NRXN1: variants seen among roughly 807,000 people sequenced by gnomAD.
NRXN1 encodes neurexin-1.
Under a neutral mutation model 150.9 loss-of-function variants are expected in NRXN1, and 39 were observed. The ratio of observed to expected loss-of-function variants is 0.26; its 90% CI spans 0.20 to 0.34. NRXN1 has a LOEUF of 0.34. NRXN1 is among the 10% of genes least tolerant of loss of function. The pLI, the probability that NRXN1 is intolerant of heterozygous loss-of-function variation, is 1.00. For missense variants in NRXN1, 1,815 were observed against 1,949.9 expected, an observed-to-expected ratio of 0.93 and a Z score of 1.30; for synonymous variants, 924 against 757.0, an observed-to-expected ratio of 1.22 and a Z score of -3.62.
In NRXN1 at chr2:50,580,846, T is replaced by C. The variant is rs538702115; in HGVS notation, c.1321-27821A>G. Among the ~76,000 whole-genome samples the C allele has an allele frequency of 2.2e-3, 332 of 152,268 alleles. 1 individual carries two copies. Among genetic ancestry groups the C allele is most frequent in the African/African-American group, 7.7e-3 (322 of 41,562 alleles). Reference sequence around the variant, plus strand: ...GCTACTATACCGTCTAGAACACTACTGGGTCTAAATACATACTAATGAAAA... The same window carrying C: ...GCTACTATACCGTCTAGAACACTACCGGGTCTAAATACATACTAATGAAAA... On this transcript the variant is annotated intron_variant, in intron 8 of 22. Coordinates refer to ENST00000401669, the MANE Select transcript of NRXN1 (RefSeq NM_001330078.2).
At chr2:50,475,908 T>C (rs2089950690) in intron 15 of NRXN1, among the ~76,000 whole-genome samples, 1 of 151,550 alleles carries the variant, frequency 6.6e-6, no homozygotes, top group Non-Finnish European at 1.5e-5. Flanking sequence ...CACTAATGGG[T>C]CCTGCAGGTG....
chr2:50,618,884 A>G (rs1037291703), intron 8 of NRXN1, among the ~76,000 whole-genome samples: 1 of 152,006 alleles, frequency 6.6e-6, no homozygotes, highest in African/African-American at 2.4e-5. Flanking sequence ...CTGAAAGGCA[A>G]TCTATCACTC....
chr2:50,919,352 G>GCATGTT (rs1280773155), intron 5 of NRXN1: 1 of 151,668 alleles, frequency 6.6e-6, no homozygotes, highest in African/African-American at 2.4e-5. Context: ...TTATCAAAAG[G>GCATGTT]CATGTTCTTT....
rs138684223 is a variant in NRXN1, at chr2:50,041,035, A to G, written c.4128+12236T>C. On this transcript the variant is annotated intron_variant, in intron 21 of 22. Coordinates refer to ENST00000401669, the MANE Select transcript of NRXN1 (RefSeq NM_001330078.2). ...CCTCCCTCCTGTATTGATAGGACGT[A>G]TCTCAAAATAATAACAGCTATCTAT... Among the ~76,000 whole-genome samples the G allele has an allele frequency of 4.7e-3, 718 of 152,220 alleles. 7 individuals are homozygous for G. Among genetic ancestry groups the G allele is most frequent in the African/African-American group, 0.016 (663 of 41,558 alleles).
chr2:50,690,071 G>C (rs1474656793), intron 5 of NRXN1, among the ~76,000 whole-genome samples: 1 of 152,036 alleles, frequency 6.6e-6, no homozygotes, highest in Non-Finnish European at 1.5e-5. Flanking sequence ...ATTTTTAGTA[G>C]AGAGAAAGTT....
chr2:50,979,664 C>T (rs1696474911), intron 2 of NRXN1, among the ~76,000 whole-genome samples: 1 of 152,090 alleles, frequency 6.6e-6, no homozygotes, highest in Non-Finnish European at 1.5e-5. Context: ...TTAAATCTGG[C>T]AACGAACCTT....
intron 8 of NRXN1, among the ~76,000 whole-genome samples, chr2:50,604,325 A>C (rs1161200689): frequency 6.6e-6 from 1 of 152,188 alleles, no homozygotes; most frequent in African/African-American, 2.4e-5. Flanking sequence ...GGGGGACATG[A>C]AGCTGCAGTT....
intron 17 of NRXN1, among the ~76,000 whole-genome samples, chr2:50,406,810 C>T (rs1003949616): frequency 2.0e-5 from 3 of 152,266 alleles, no homozygotes; most frequent in Admixed American, 6.5e-5. Flanking sequence ...AAATGGTCTA[C>T]TTGGGAGGTT....
intron 21 of NRXN1, among the ~76,000 whole-genome samples, chr2:49,989,442 A>G (rs1681532365): frequency 6.6e-6 from 1 of 152,182 alleles, no homozygotes; most frequent in Admixed American, 6.5e-5. Context: ...AAGTCAGAAA[A>G]CCAACAGCCA....
intron 18 of NRXN1, among the ~76,000 whole-genome samples, chr2:50,235,973 A>G (rs915323319): frequency 3.3e-5 from 5 of 152,090 alleles, no homozygotes; most frequent in Admixed American, 3.3e-4. Flanking sequence ...AATAAAAGAC[A>G]CTGTGCTTCT....
At chr2:50,174,783 TTTTA>T (rs1342361903) in intron 18 of NRXN1, 2 of 152,162 alleles carry the variant, frequency 1.3e-5, no homozygotes, top group Admixed American at 6.6e-5. Flanking sequence ...TAATTATGGA[TTTTA>T]TTTCAGAACG....
At chr2:50,598,202 A>G (rs1675557815) in intron 8 of NRXN1, among the ~76,000 whole-genome samples, 1 of 151,986 alleles carries the variant, frequency 6.6e-6, no homozygotes, top group African/African-American at 2.4e-5. Flanking sequence ...AGAACAAATA[A>G]ATGAATGAGT....
At chr2:50,337,083 C>CTTTTTTTTTTTTT (rs768582035) in intron 17 of NRXN1, among the ~76,000 whole-genome samples, 3 of 133,084 alleles carry the variant, frequency 2.3e-5, no homozygotes, top group Admixed American at 7.6e-5. Flanking sequence ...TTTTCTTTTT[C>CTTTTTTTTTTTTT]TTTTTTTTTT....
At chr2:50,514,384 T>G (rs1040563258) in intron 12 of NRXN1, among the ~76,000 whole-genome samples, 2 of 152,172 alleles carry the variant, frequency 1.3e-5, no homozygotes, top group Non-Finnish European at 2.9e-5. Context: ...ATGGTCCATA[T>G]TGTGTCTGTT....
intron 22 of NRXN1, among the ~76,000 whole-genome samples, chr2:49,936,817 TAC>T (rs58323578): frequency 1.5e-3 from 218 of 148,044 alleles, no homozygotes; most frequent in South Asian, 6.8e-3. Context: ...AAAACATATG[TAC>T]ACACACACAC....
chr2:50,603,813 T>G (rs983092758), intron 8 of NRXN1, among the ~76,000 whole-genome samples: 5 of 152,158 alleles, frequency 3.3e-5, no homozygotes, highest in Non-Finnish European at 5.9e-5. Flanking sequence ...TAAAATGCAT[T>G]GCGTTGCACT....
chr2:51,001,087 G>C (rs1699986953), intron 2 of NRXN1, among the ~76,000 whole-genome samples: 1 of 152,028 alleles, frequency 6.6e-6, no homozygotes, highest in South Asian at 2.1e-4. Flanking sequence ...TCCCCATTTG[G>C]TGAATGAATA....
At chr2:50,272,911 A>C (rs941194740) in intron 17 of NRXN1, among the ~76,000 whole-genome samples, 17 of 152,122 alleles carry the variant, frequency 1.1e-4, no homozygotes, top group African/African-American at 4.1e-4. Context: ...TTTGTAATAC[A>C]TAAAGAATTT....
At chr2:50,678,316 A>C (rs1689836712) in intron 5 of NRXN1, among the ~76,000 whole-genome samples, 1 of 152,198 alleles carries the variant, frequency 6.6e-6, no homozygotes, top group South Asian at 2.1e-4. Context: ...TCACATGCAA[A>C]AAACTTCCCC....
Sources: gnomAD v4.1 joint callset for allele counts (sites outside exome capture counted in the v4.1 genomes callset) on GRCh38, gnomAD v4.1.1 for gene constraint, MANE v1.5 for transcripts, NCBI Gene and HGNC (gene_info 2026-07-23, HGNC 2026-07-21) for gene names.